Variants in IGF2R observed in about 807,000 individuals in gnomAD.
IGF2R encodes cation-independent mannose-6-phosphate receptor.
IGF2R carries 91 observed loss-of-function variants against 270.6 expected under a neutral mutation model. That is an observed-to-expected ratio of 0.34 (90% CI 0.28 to 0.40). The LOEUF (loss-of-function observed/expected upper bound fraction) is 0.40. Among genes scored for constraint, IGF2R ranks in the 10% least tolerant of loss-of-function variants. The probability of loss-of-function intolerance (pLI) is 1.00; values close to 1 mark genes in which losing one functional copy is unlikely to be tolerated. For missense variants in IGF2R, 2,805 were observed against 3,188.3 expected (o/e 0.88, Z 2.90); for synonymous variants, 1,316 against 1,258.9 (o/e 1.05, Z -0.96).
chr6:159,998,270 GTAGTA>G lies in IGF2R; in HGVS notation c.289+6954_289+6958del, dbSNP rs1416598754. On this transcript the variant is annotated intron_variant, in intron 2 of 47. Coordinates refer to ENST00000356956, the MANE Select transcript of IGF2R (RefSeq NM_000876.4). This position sits in a 1 kb window ranked among gnomAD's most constrained non-coding sequence, Gnocchi z 4.1. The stretch of plus-strand genomic sequence containing the variant: ...AATGAAAGTATGTCTTGAGTTTATG[GTAGTA>G]TAGTATGGTATGGTATAGTGTAATA... Among the ~76,000 whole-genome samples, 7 of 152,190 alleles carry G rather than the reference GTAGTA, an allele frequency of 4.6e-5. No homozygotes were observed. The highest frequency in any genetic ancestry group is 1.0e-4 in the Non-Finnish European group (7 of 68,030).
At chr6:159,979,437 G>C (rs574774996) in intron 1 of IGF2R, among the ~76,000 whole-genome samples, 2 of 152,292 alleles carry the variant, frequency 1.3e-5, no homozygotes, top group East Asian at 3.9e-4. Context: ...CTCTGCTCTC[G>C]AAGCGTCAGT....
intron 13 of IGF2R, 97 bp downstream of exon 13, chr6:160,044,754 C>T: frequency 1.1e-6 from 1 of 944,608 alleles, no homozygotes; most frequent in Non-Finnish European, 1.6e-6. Flanking sequence ...CAAAGCTGAT[C>T]AGACAGATTG....
chr6:160,065,848 A>AT (rs958600824), intron 29 of IGF2R, among the ~76,000 whole-genome samples: 2 of 123,126 alleles, frequency 1.6e-5, no homozygotes, highest in African/African-American at 6.0e-5. Flanking sequence ...ATATATATGT[A>AT]TTTTTTTTGA....
At chr6:159,983,256 C>T (rs1349660326) in intron 1 of IGF2R, among the ~76,000 whole-genome samples, 1 of 152,312 alleles carries the variant, frequency 6.6e-6, no homozygotes, top group Middle Eastern at 3.4e-3. Flanking sequence ...CTTGCTGGAA[C>T]AGTAGCAGGA....
At chr6:160,095,121 A>C (rs866735650) in intron 44 of IGF2R, 1 of 152,136 alleles carries the variant, frequency 6.6e-6, no homozygotes, top group African/African-American at 2.4e-5. Context: ...CTGATTCTCA[A>C]CTTTGTACCT....
chr6:160,049,429 C>G (rs1778145441), intron 18 of IGF2R, among the ~76,000 whole-genome samples: 1 of 152,186 alleles, frequency 6.6e-6, no homozygotes, highest in African/African-American at 2.4e-5. Context: ...CAGGGGGACA[C>G]TCTGGCCTCT....
At chr6:160,019,669 A>G (rs1476323452) in intron 4 of IGF2R, among the ~76,000 whole-genome samples, 1 of 152,232 alleles carries the variant, frequency 6.6e-6, no homozygotes, top group Non-Finnish European at 1.5e-5. Context: ...AGTGTATGCA[A>G]ATCAATAAAT....
Position 160,047,825 on chromosome 6 carries a change from T to C in IGF2R, c.2263T>C (p.Tyr755His), listed in dbSNP as rs1439764235. The C allele has an allele frequency of 4.3e-6, 7 of 1,613,964 alleles. No individual in the cohort carries two copies. Among genetic ancestry groups the C allele is most frequent in the Non-Finnish European group, 5.9e-6 (7 of 1,179,924 alleles). Residue 755 changes from tyrosine to histidine, a missense_variant, in exon 17 of 48, where the codon TAC becomes CAC. Coordinates refer to ENST00000356956, the MANE Select transcript of IGF2R (RefSeq NM_000876.4). The stretch of plus-strand genomic sequence containing the variant: ...TAACTCCACCTACAACTTCCGGTGG[T>C]ACACCAGCTATGCCTGCCCGGAGGA... Reference protein sequence around the residue: ...EDNSTYNFRWYTSYACPEEPL... With the variant: ...EDNSTYNFRWHTSYACPEEPL...
chr6:160,100,322 G>A (rs1779454412), intron 45 of IGF2R, among the ~76,000 whole-genome samples: 1 of 152,042 alleles, frequency 6.6e-6, no homozygotes, highest in Non-Finnish European at 1.5e-5. Flanking sequence ...TAATCTGAAA[G>A]AAAGCTGCAG....
intron 29 of IGF2R, among the ~76,000 whole-genome samples, chr6:160,067,064 G>GTGAGC (rs1234013356): frequency 4.6e-5 from 7 of 152,208 alleles, no homozygotes; most frequent in African/African-American, 1.7e-4. Flanking sequence ...CTTCAATGCA[G>GTGAGC]TGAGCGCCCA....
intron 44 of IGF2R, 73 bp downstream of exon 44, chr6:160,090,176 T>G: frequency 9.4e-7 from 1 of 1,066,944 alleles, no homozygotes; most frequent in Non-Finnish European, 1.3e-6. Context: ...TTCAACTAAC[T>G]CCCTTCAGTT....
chr6:160,059,235 A>G (rs1247266034), intron 22 of IGF2R, 137 bp downstream of exon 22: 4 of 663,062 alleles, frequency 6.0e-6, no homozygotes, highest in East Asian at 5.4e-5. Context: ...TGCAGGAGCC[A>G]TCACGGTGGT....
At chr6:159,972,633 G>A (rs1184565916) in intron 1 of IGF2R, among the ~76,000 whole-genome samples, 2 of 152,218 alleles carry the variant, frequency 1.3e-5, no homozygotes, top group Non-Finnish European at 2.9e-5. Flanking sequence ...CTTCAGGGGT[G>A]CCTGCGAGGC....
intron 30 of IGF2R, 42 bp from the exon 31 acceptor site, chr6:160,069,826 G>T: frequency 6.3e-7 from 1 of 1,586,122 alleles, no homozygotes; most frequent in East Asian, 2.2e-5. Flanking sequence ...TCTAGCCTGG[G>T]GAGTCACTAA....
intron 39 of IGF2R, among the ~76,000 whole-genome samples, chr6:160,080,656 G>A (rs189753271): frequency 1.3e-4 from 20 of 152,186 alleles, no homozygotes; most frequent in Non-Finnish European, 2.2e-4. Flanking sequence ...TAAACCAGGC[G>A]ACTCATTTAT....
Position 160,111,455 on chromosome 6 carries a change from T to C in IGF2R, c.*6371T>C, listed in dbSNP as rs1300212324. 6.6e-6 allele frequency: 1 copy of C among 152,262 alleles called. No individual in the cohort carries two copies. The highest frequency in any genetic ancestry group is 2.4e-5 in the African/African-American group (1 of 41,470). The allele number at this position is 152,262 out of a possible 1,614,324, so 9.4% of individuals were successfully genotyped here. A position where few individuals can be genotyped will look rare whatever the true frequency, so the allele number is the denominator to read the frequency against. On this transcript the variant is annotated 3_prime_UTR_variant, in exon 48 of 48. Coordinates refer to ENST00000356956, the MANE Select transcript of IGF2R (RefSeq NM_000876.4). ...TCCTCATGATTTTCTTAAAACTTTT[T>C]CTGTATTTTATTGTAAGAATACAGT...
chr6:159,978,165 G>A (rs1583237690), intron 1 of IGF2R, among the ~76,000 whole-genome samples: 1 of 152,240 alleles, frequency 6.6e-6, no homozygotes, highest in South Asian at 2.1e-4. Context: ...GGCACTCCAC[G>A]TAAGCTTCCT....
chr6:160,093,656 C>G lies in IGF2R; in HGVS notation c.6656-2783C>G, dbSNP rs1032296112. ...GGACCAGGTAAACTTCCGTGGATTC[C>G]TGCAAACTCTGGCTCATTTCCAAAC... is the stretch of plus-strand genomic sequence containing the variant. On this transcript the variant is annotated intron_variant, in intron 44 of 47. Coordinates refer to ENST00000356956, the MANE Select transcript of IGF2R (RefSeq NM_000876.4). The G allele has an allele frequency of 6.6e-5, 49 of 744,138 alleles. No individual in the cohort carries two copies. In the Admixed American group the frequency reaches 8.5e-4, roughly 13 times the overall value. 46.1% of individuals were successfully genotyped at this position (744,138 alleles called of 1,614,324 possible).
intron 1 of IGF2R, among the ~76,000 whole-genome samples, chr6:159,989,259 G>A (rs759542849): frequency 6.6e-6 from 1 of 152,132 alleles, no homozygotes; most frequent in Non-Finnish European, 1.5e-5. Flanking sequence ...GACCCCACCA[G>A]GGCTGCTCTT....
Sources: gnomAD v4.1 joint callset for allele counts (sites outside exome capture counted in the v4.1 genomes callset) on GRCh38, gnomAD v4.1.1 for gene constraint, Gnocchi (gnomAD v3.1) non-coding constraint, MANE v1.5 for transcripts, NCBI Gene and HGNC (gene_info 2026-07-23, HGNC 2026-07-21) for gene names.